HECTD4: variants seen among roughly 807,000 people sequenced by gnomAD.
HECTD4 encodes HECT domain E3 ubiquitin protein ligase 4, also known as probable E3 ubiquitin-protein ligase HECTD4.
A neutral mutation model predicts 471.5 loss-of-function variants in HECTD4; 114 were observed. The observed-to-expected ratio is 0.24, with a 90% CI of 0.21 to 0.28. The LOEUF is 0.28. Among genes scored for constraint, HECTD4 ranks in the 10% least tolerant of loss-of-function variants. The pLI, the probability that HECTD4 is intolerant of heterozygous loss-of-function variation, is 1.00. For missense variants in HECTD4, 3,866 were observed against 5,651.5 expected (o/e 0.68, Z 10.13); for synonymous variants, 2,012 against 2,256.0 (o/e 0.89, Z 3.07).
rs918976854 is a variant in HECTD4 at position 112,236,826 on chromosome 12, T to A, written c.5444+119A>T. 5 of 865,818 alleles carry A rather than the reference T, an allele frequency of 5.8e-6. No individual in the cohort carries two copies. In the African/African-American group the frequency reaches 8.5e-5, roughly 15 times the overall value. The allele number at this position is 865,818 out of a possible 1,614,324, so 53.6% of individuals were successfully genotyped here. On this transcript the variant is annotated intron_variant, in intron 35 of 75. Coordinates refer to ENST00000682272, the MANE Select transcript of HECTD4 (RefSeq NM_001388303.1). ...CTCCATTATTTTTTTGAGGCAAGAG[T>A]GTGTCAAAATGGCCTAGTAATTTAG...
chr12:112,201,237 A>T, intron 54 of HECTD4: 1 of 346,374 alleles, frequency 2.9e-6, no homozygotes, highest in Non-Finnish European at 5.6e-6. Context: ...GGGACTAGGC[A>T]CCCACCACTG....
chr12:112,229,312 G>C (rs1833280080), intron 41 of HECTD4, among the ~76,000 whole-genome samples: 1 of 151,344 alleles, frequency 6.6e-6, no homozygotes, highest in African/African-American at 2.4e-5. Flanking sequence ...GGGGAACAGA[G>C]CAAGACTCTG....
In HECTD4 at chr12:112,212,515, A is replaced by G. The variant is rs1362004661; in HGVS notation, c.7601T>C (p.Met2534Thr). The G allele has an allele frequency of 8.7e-6, 14 of 1,613,610 alleles. No individual in the cohort carries two copies. Among genetic ancestry groups the G allele is most frequent in the African/African-American group, 2.7e-5 (2 of 74,932 alleles). ...SPYLEDVSGG[M>T]WPVVHIQKKN... ...TTTCTGAATGTGAACCACTGGCCAC[A>G]TGCCACCAGAGACGTCTTCAAGATA... The change falls in exon 49 of 76, where the codon ATG (methionine) becomes ACG (threonine). Residue 2534 changes from methionine to threonine, a missense_variant. Around this residue, in one of 16 missense-constraint regions of HECTD4, gnomAD observed 617 missense variants for 915.1 expected, o/e 0.67. Transcript: ENST00000682272.
Position 112,381,853 on chromosome 12 carries a change from G to A in HECTD4, c.177+99C>T. On this transcript the variant is annotated intron_variant, in intron 1 of 75. Transcript: ENST00000682272. This position sits in a 1 kb window ranked among gnomAD's most constrained non-coding sequence, Gnocchi z 4.1. Reference sequence around the variant, plus strand: ...CACACACCTGCCCCGGCAGCCGCCGGGAGGCGAGGCCGCGGCTGAGGCGAG... The same window carrying A: ...CACACACCTGCCCCGGCAGCCGCCGAGAGGCGAGGCCGCGGCTGAGGCGAG... The A allele has an allele frequency of 1.1e-6, 1 of 878,134 alleles. No homozygotes were observed. Among genetic ancestry groups the A allele is most frequent in the Non-Finnish European group, 1.5e-6 (1 of 671,972 alleles). 54.4% of individuals were successfully genotyped at this position (878,134 alleles called of 1,614,324 possible). A position where few individuals can be genotyped will look rare whatever the true frequency, so the allele number is the denominator to read the frequency against.
chr12:112,175,786 A>G lies in HECTD4; in HGVS notation c.11544T>C (p.Arg3848=), dbSNP rs761942393. 1.9e-6 allele frequency: 3 copies of G among 1,613,446 alleles called. No homozygotes were observed. The highest frequency in any genetic ancestry group is 2.5e-6 in the Non-Finnish European group (3 of 1,179,670). The part of the protein sequence containing the change: ...FVIDRARQDI[R]SVWRAILSCG... ...AGGACAAGATCGCCCTCCAGACGCT[A>G]CGGATATCTTGCCTGGCTCGGTCAA... The change falls in exon 66 of 76, where the codon CGT becomes CGC. Residue 3848 remains arginine, a synonymous_variant. Transcript: ENST00000682272.
chr12:112,229,797 C>T lies in HECTD4; in HGVS notation c.6420G>A (p.Arg2140=), dbSNP rs747971779. The part of the protein sequence containing the change: ...SILENGSSSG[R]KLAKLQRIAR... ...CAATTCTCTGAAGTTTGGCAAGTTT[C>T]CTGCCACTGCTGCTGCCATTTTCCA... The change falls in exon 41 of 76, where the codon AGG becomes AGA. Residue 2140 remains arginine (R), a synonymous_variant. Coordinates refer to ENST00000682272, the MANE Select transcript of HECTD4 (RefSeq NM_001388303.1). 5 of 1,614,050 alleles carry T rather than the reference C, an allele frequency of 3.1e-6. No individual in the cohort carries two copies. The highest frequency in any genetic ancestry group is 1.6e-4 in the Middle Eastern group (1 of 6,062).
chr12:112,314,569 G>C (rs566174507), intron 2 of HECTD4, 23 bp from the exon 3 acceptor site: 1 of 1,261,576 alleles, frequency 7.9e-7, no homozygotes, highest in Non-Finnish European at 1.1e-6. Context: ...GGAAGGAACA[G>C]TAAATCATCA....
At chr12:112,376,922 G>A (rs913162006) in intron 1 of HECTD4, among the ~76,000 whole-genome samples, 5 of 152,102 alleles carry the variant, frequency 3.3e-5, no homozygotes, top group African/African-American at 1.2e-4. Context: ...AGACCAGCCT[G>A]ACCAACATGG....
chr12:112,279,778 T>C (rs973964373), intron 8 of HECTD4, among the ~76,000 whole-genome samples: 1 of 152,222 alleles, frequency 6.6e-6, no homozygotes, highest in Non-Finnish European at 1.5e-5. Flanking sequence ...TTATCTGAAA[T>C]GCCTGGGACC....
intron 17 of HECTD4, among the ~76,000 whole-genome samples, chr12:112,262,895 G>T (rs2034181587): frequency 6.6e-6 from 1 of 152,110 alleles, no homozygotes; most frequent in South Asian, 2.1e-4. Context: ...GGGATTACAG[G>T]TGTCAGCCAC....
intron 1 of HECTD4, among the ~76,000 whole-genome samples, chr12:112,333,184 G>C (rs1052225609): frequency 6.6e-6 from 1 of 152,152 alleles, no homozygotes; most frequent in Non-Finnish European, 1.5e-5. Flanking sequence ...AGGTTATACA[G>C]ACATGTTTCC....
chr12:112,228,383 C>G lies in HECTD4; in HGVS notation c.6685-125G>C. On this transcript the variant is annotated intron_variant, in intron 42 of 75. Transcript: ENST00000682272. This position sits in a 1 kb window ranked among gnomAD's most constrained non-coding sequence, Gnocchi z 4.9. The stretch of plus-strand genomic sequence containing the variant: ...CAGTTAAAAAAATAAAATCACCATA[C>G]AGAAAACTACAAACCACATCAAAAC... 9.5e-7 allele frequency: 1 copy of G among 1,055,392 alleles called. No homozygotes were observed. Among genetic ancestry groups the G allele is most frequent in the Non-Finnish European group, 1.3e-6 (1 of 774,846 alleles). 65.4% of individuals were successfully genotyped at this position (1,055,392 alleles called of 1,614,324 possible). A position where few individuals can be genotyped will look rare whatever the true frequency, so the allele number is the denominator to read the frequency against.
Position 112,179,103 on chromosome 12 carries a change from G to A in HECTD4, c.11212-21C>T, listed in dbSNP as rs369411802. The stretch of plus-strand genomic sequence containing the variant: ...AGGATCTGTGGAGCACAGAGGCAGC[G>A]GGGAGGCTCTCAGGTTCGCCCTGCA... On this transcript the variant is annotated intron_variant, in intron 63 of 75. Coordinates refer to ENST00000682272, the MANE Select transcript of HECTD4 (RefSeq NM_001388303.1). This position sits in a 1 kb window ranked among gnomAD's most constrained non-coding sequence, Gnocchi z 4.3. 2.0e-5 allele frequency: 33 copies of A among 1,613,828 alleles called. No homozygotes were observed. In the East Asian group the frequency reaches 2.9e-4, roughly 14 times the overall value.
rs570435718 is a variant in HECTD4, at chr12:112,173,653, C to T, written c.11595-792G>A. Among the ~76,000 whole-genome samples, 132 of 152,230 alleles carry T rather than the reference C, an allele frequency of 8.7e-4. No homozygotes were observed. The highest frequency in any genetic ancestry group is 3.1e-3 in the African/African-American group (127 of 41,550). On this transcript the variant is annotated intron_variant, in intron 66 of 75. Transcript: ENST00000682272. This position sits in a 1 kb window ranked among gnomAD's most constrained non-coding sequence, Gnocchi z 4.3. ...TTGTGATCCGCCCGCCTCAGCCTCC[C>T]AAAGTGCTGCGATTACAGGCGTGAG...
At chr12:112,200,380 G>C (rs2032384411) in intron 55 of HECTD4, among the ~76,000 whole-genome samples, 1 of 152,050 alleles carries the variant, frequency 6.6e-6, no homozygotes, top group African/African-American at 2.4e-5. Context: ...TCTCGAACTT[G>C]TGACCTCAAG....
intron 7 of HECTD4, among the ~76,000 whole-genome samples, chr12:112,293,343 C>G (rs1374855812): frequency 1.6e-5 from 2 of 128,190 alleles, no homozygotes; most frequent in Non-Finnish European, 3.2e-5. Flanking sequence ...CCAGCCTGGG[C>G]AACAGAGCAA....
intron 4 of HECTD4, among the ~76,000 whole-genome samples, chr12:112,311,619 C>CAAAAAAAAAAA (rs541436680): frequency 4.3e-5 from 2 of 46,716 alleles, no homozygotes; most frequent in Non-Finnish European, 4.5e-5. Context: ...GACCCCATCT[C>CAAAAAAAAAAA]AAAAAAAAAA....
chr12:112,262,625 A>AT (rs146947965), intron 17 of HECTD4, among the ~76,000 whole-genome samples: 1 of 148,402 alleles, frequency 6.7e-6, no homozygotes, highest in Non-Finnish European at 1.5e-5. Context: ...TATTATTATT[A>AT]TATTTTTTGA....
At position 112,162,644 on chromosome 12, in the gene HECTD4, C is replaced by T; in HGVS notation, c.13121-121G>A. The T allele has an allele frequency of 8.2e-7, 1 of 1,212,482 alleles. No individual in the cohort carries two copies. The highest frequency in any genetic ancestry group is 1.2e-6 in the Non-Finnish European group (1 of 859,290). 75.1% of individuals were successfully genotyped at this position (1,212,482 alleles called of 1,614,324 possible). On this transcript the variant is annotated intron_variant, in intron 75 of 75. Transcript: ENST00000682272. This position sits in a 1 kb window ranked among gnomAD's most constrained non-coding sequence, Gnocchi z 5.2. ...GGGTAGCCCCAAGCCAATCCTGGGG[C>T]CCAGCAGGAGGGGGATGAGGGCCTG...
Sources: gnomAD v4.1 joint callset for allele counts (sites outside exome capture counted in the v4.1 genomes callset) on GRCh38, gnomAD v4.1.1 for gene constraint, gnomAD v4.1.1 regional missense constraint, Gnocchi (gnomAD v3.1) non-coding constraint, MANE v1.5 for transcripts, NCBI Gene and HGNC (gene_info 2026-07-23, HGNC 2026-07-21) for gene names.